TLL2: variants seen among roughly 807,000 people sequenced by gnomAD.
TLL2 encodes tolloid-like protein 2.
Under a neutral mutation model 123.0 loss-of-function variants are expected in TLL2, and 106 were observed. The ratio of observed to expected loss-of-function variants is 0.86; its 90% confidence interval spans 0.74 to 1.01. The LOEUF (loss-of-function observed/expected upper bound fraction) is 1.01, where lower values mean the gene tolerates loss of function less well. TLL2 is among the 50% of genes least tolerant of loss of function. The pLI, the probability that TLL2 is intolerant of heterozygous loss-of-function variation, is 0.00. For synonymous variants in TLL2, 494 were observed against 516.8 expected (o/e 0.96, Z 0.60); for missense variants, 1,332 against 1,336.7 (o/e 1.00, Z 0.06).
chr10:96,458,209 C>G (rs1270360288), intron 2 of TLL2, among the ~76,000 whole-genome samples: 1 of 152,040 alleles, frequency 6.6e-6, no homozygotes, highest in Non-Finnish European at 1.5e-5. Flanking sequence ...CAACCACTAC[C>G]CTGCTGGATG....
At chr10:96,406,917 T>G (rs1846456942) in intron 9 of TLL2, among the ~76,000 whole-genome samples, 1 of 152,096 alleles carries the variant, frequency 6.6e-6, no homozygotes, top group African/African-American at 2.4e-5. Flanking sequence ...TTTTAAGATA[T>G]CCGCATCCCT....
chr10:96,372,170 G>A (rs917985552), intron 19 of TLL2, among the ~76,000 whole-genome samples: 1 of 152,210 alleles, frequency 6.6e-6, no homozygotes, highest in Non-Finnish European at 1.5e-5. Flanking sequence ...TAGGGAGCTA[G>A]AACTCCTCAG....
intron 7 of TLL2, among the ~76,000 whole-genome samples, chr10:96,420,024 T>C (rs1846603831): frequency 6.6e-6 from 1 of 152,214 alleles, no homozygotes; most frequent in Non-Finnish European, 1.5e-5. Flanking sequence ...TCTAGCCATA[T>C]TTTTCCTTCT....
At position 96,368,221 on chromosome 10, in the gene TLL2, G is replaced by A; in HGVS notation, c.2915C>T (p.Pro972Leu). 1 of 1,613,850 alleles carries A rather than the reference G, an allele frequency of 6.2e-7. No individual in the cohort carries two copies. Reference sequence around the variant, plus strand: ...ACCTGCAGAGTAGATTTCTTCTAATGGCTGAGGAAAGGAGAAAGGGAAACG... The same window carrying A: ...ACCTGCAGAGTAGATTTCTTCTAATAGCTGAGGAAAGGAGAAAGGGAAACG... Reference protein sequence around the residue: ...PRLGRFCGSGPLEEIYSAGDS... With the variant: ...PRLGRFCGSGLLEEIYSAGDS... Residue 972 changes from proline to leucine, a missense_variant and splice_region_variant, in exon 21 of 21, where the codon CCA (proline) becomes CTA (leucine). Physicochemically the swap from Pro to Leu is moderately conservative, Grantham distance 98 (BLOSUM62 -3). Transcript: ENST00000357947.
intron 19 of TLL2, chr10:96,373,261 C>T: frequency 3.6e-6 from 1 of 276,292 alleles, no homozygotes; most frequent in South Asian, 4.2e-5. Context: ...CCTGCCTCAG[C>T]CTCCTGAGTA....
intron 3 of TLL2, among the ~76,000 whole-genome samples, chr10:96,444,282 G>A (rs1311341229): frequency 5.9e-5 from 9 of 152,188 alleles, no homozygotes; most frequent in African/African-American, 1.9e-4. Context: ...GTTCAGTAAC[G>A]TTTACTGCAG....
At chr10:96,449,534 G>T (rs189581987) in intron 2 of TLL2, among the ~76,000 whole-genome samples, 38 of 152,338 alleles carry the variant, frequency 2.5e-4, no homozygotes, top group South Asian at 4.1e-4. Flanking sequence ...CAAATCTCAT[G>T]CTTCCAGCAC....
chr10:96,512,127 A>G lies in TLL2; in HGVS notation c.175+1384T>C, dbSNP rs1212159361. On this transcript the variant is annotated intron_variant, in intron 1 of 20. Transcript: ENST00000357947. ...AGATATTCTGCAGGAAACTTCCCTTACTAAGACCAGGCCCCTCAAGACTAG... is the reference window on the plus strand; with the variant it reads ...AGATATTCTGCAGGAAACTTCCCTTGCTAAGACCAGGCCCCTCAAGACTAG... 2.6e-5 allele frequency among the ~76,000 whole-genome samples: 4 copies of G among 152,226 alleles called. No individual in the cohort carries two copies. In the East Asian group the frequency reaches 7.7e-4, roughly 29 times the overall value.
chr10:96,415,035 A>G (rs1046106017), intron 7 of TLL2, among the ~76,000 whole-genome samples: 6 of 152,232 alleles, frequency 3.9e-5, no homozygotes, highest in African/African-American at 1.2e-4. Flanking sequence ...CTTGGCCACA[A>G]TGCTGCAATG....
rs139599198 is a variant in TLL2 at position 96,380,374 on chromosome 10, G to A, written c.2195-1282C>T. ...CATTGTTAATGTCTCCTTGAACAAT[G>A]TATTTCACCTGCTTATGTTATCAGG... On this transcript the variant is annotated intron_variant, in intron 16 of 20. Coordinates refer to ENST00000357947, the MANE Select transcript of TLL2 (RefSeq NM_012465.4). 7.7e-4 allele frequency among the ~76,000 whole-genome samples: 117 copies of A among 152,122 alleles called. 3 individuals carry two copies. In the East Asian group the frequency reaches 0.02, roughly 26 times the overall value.
intron 1 of TLL2, among the ~76,000 whole-genome samples, chr10:96,493,518 G>A (rs144415834): frequency 4.3e-4 from 66 of 152,220 alleles, no homozygotes; most frequent in African/African-American, 1.3e-3. Context: ...GGAGTGGGGG[G>A]CCCAGCCATG....
chr10:96,437,537 T>C (rs947632597), intron 3 of TLL2, among the ~76,000 whole-genome samples: 1 of 152,180 alleles, frequency 6.6e-6, no homozygotes, highest in Admixed American at 6.5e-5. Context: ...TTTATAACAA[T>C]ATCTACCCCT....
At chr10:96,369,138 G>A (rs1204832141) in intron 20 of TLL2, among the ~76,000 whole-genome samples, 1 of 152,230 alleles carries the variant, frequency 6.6e-6, no homozygotes, top group Non-Finnish European at 1.5e-5. Context: ...ACAGAAAGGA[G>A]GGGGCTGGTG....
rs1197663827 is a variant in TLL2 at position 96,405,184 on chromosome 10, G to A, written c.1267+48C>T. The A allele has an allele frequency of 1.9e-6, 3 of 1,556,112 alleles. No individual in the cohort carries two copies. In the African/African-American group the frequency reaches 4.1e-5, roughly 21 times the overall value. Reference sequence around the variant, plus strand: ...CCTTCCAGACATTAACAGCATCCCGGGGAACATCCCATCACTCCTCTCTTA... The same window carrying A: ...CCTTCCAGACATTAACAGCATCCCGAGGAACATCCCATCACTCCTCTCTTA... On this transcript the variant is annotated intron_variant, in intron 10 of 20. Coordinates refer to ENST00000357947, the MANE Select transcript of TLL2 (RefSeq NM_012465.4).
At chr10:96,394,405 C>A (rs914879904) in intron 13 of TLL2, among the ~76,000 whole-genome samples, 8 of 152,016 alleles carry the variant, frequency 5.3e-5, no homozygotes, top group African/African-American at 1.9e-4. Context: ...AGAAGGAGGA[C>A]CTGCCCGTTC....
chr10:96,494,198 C>T lies in TLL2; in HGVS notation c.176-13739G>A, dbSNP rs919518806. ...TCACACCCCTCCGCACTGAAGATTC[C>T]AAGAGTCTGGTGGGGGGATTTTAGG... On this transcript the variant is annotated intron_variant, in intron 1 of 20. Transcript: ENST00000357947. Among the ~76,000 whole-genome samples, 5 of 152,320 alleles carry T rather than the reference C, an allele frequency of 3.3e-5. 1 individual carries two copies. The East Asian group carries it at 9.7e-4, about 29-fold the overall frequency.
chr10:96,445,011 A>C (rs1246428468), intron 3 of TLL2, among the ~76,000 whole-genome samples: 1 of 152,094 alleles, frequency 6.6e-6, no homozygotes, highest in Non-Finnish European at 1.5e-5. Context: ...AACACGGTGA[A>C]ACCCCGTCTC....
At chr10:96,410,121 C>A (rs935606635) in intron 9 of TLL2, among the ~76,000 whole-genome samples, 1 of 152,182 alleles carries the variant, frequency 6.6e-6, no homozygotes, top group African/African-American at 2.4e-5. Flanking sequence ...TTGGAAGGAA[C>A]TGTGAGCTTG....
intron 1 of TLL2, among the ~76,000 whole-genome samples, chr10:96,480,820 T>C (rs1847306005): frequency 6.6e-6 from 1 of 152,216 alleles, no homozygotes; most frequent in South Asian, 2.1e-4. Flanking sequence ...AAACGAATAA[T>C]GTGATAAATT....
Sources: gnomAD v4.1 joint callset for allele counts (sites outside exome capture counted in the v4.1 genomes callset) on GRCh38, gnomAD v4.1.1 for gene constraint, MANE v1.5 for transcripts, NCBI Gene and HGNC (gene_info 2026-07-23, HGNC 2026-07-21) for gene names.